NR3C2: variants seen among roughly 807,000 people sequenced by gnomAD.
NR3C2 encodes the protein mineralocorticoid receptor.
NR3C2 carries 15 observed loss-of-function variants against 86.4 expected under a neutral mutation model. The ratio of observed to expected loss-of-function variants is 0.17; its 90% CI spans 0.12 to 0.27. The LOEUF is 0.27. Among genes scored for constraint, NR3C2 ranks in the 10% least tolerant of loss-of-function variants. The pLI, the probability that NR3C2 is intolerant of heterozygous loss-of-function variation, is 1.00. For missense variants in NR3C2, 960 were observed against 1,195.6 expected (o/e 0.80, Z 2.91); for synonymous variants, 458 against 450.5 (o/e 1.02, Z -0.21).
At chr4:148,098,601 T>C (rs887187828) in intron 8 of NR3C2, among the ~76,000 whole-genome samples, 11 of 152,256 alleles carry the variant, frequency 7.2e-5, no homozygotes, top group African/African-American at 2.7e-4. Context: ...ACAGGCATTT[T>C]TCACTGCTCT....
In NR3C2 at chr4:148,378,247, T is replaced by C. The variant is rs1313673497; in HGVS notation, c.1757+56857A>G. Among the ~76,000 whole-genome samples, 3 of 151,960 alleles carry C rather than the reference T, an allele frequency of 2.0e-5. No individual in the cohort carries two copies. In the East Asian group the frequency reaches 5.8e-4, roughly 29 times the overall value. ...CATCCCCTTCAGACTAGCAAAAAATTAAATTAATAACAGTGTTAGCAAGAA... is the reference window on the plus strand; with the variant it reads ...CATCCCCTTCAGACTAGCAAAAAATCAAATTAATAACAGTGTTAGCAAGAA... On this transcript the variant is annotated intron_variant, in intron 2 of 8. Coordinates refer to ENST00000358102, the MANE Select transcript of NR3C2 (RefSeq NM_000901.5).
At chr4:148,204,262 A>G (rs917773781) in intron 3 of NR3C2, among the ~76,000 whole-genome samples, 2 of 152,254 alleles carry the variant, frequency 1.3e-5, no homozygotes, top group African/African-American at 4.8e-5. Context: ...CTAACAAGGA[A>G]CAAGGAACTT....
intron 2 of NR3C2, among the ~76,000 whole-genome samples, chr4:148,354,917 A>G (rs1745478693): frequency 6.6e-6 from 1 of 152,222 alleles, no homozygotes; most frequent in African/African-American, 2.4e-5. Flanking sequence ...TATACTCCAA[A>G]TTAGCAATGG....
At chr4:148,419,744 A>G (rs1254130104) in intron 2 of NR3C2, among the ~76,000 whole-genome samples, 1 of 152,234 alleles carries the variant, frequency 6.6e-6, no homozygotes, top group Non-Finnish European at 1.5e-5. Context: ...TTGTAAAAGA[A>G]ACTATCAGAT....
chr4:148,161,419 G>A (rs1303030435), intron 4 of NR3C2, among the ~76,000 whole-genome samples: 3 of 151,396 alleles, frequency 2.0e-5, no homozygotes, highest in Admixed American at 6.6e-5. Context: ...TCACCGTATC[G>A]GCTCACTGCA....
rs1040524716 is a variant in NR3C2 at position 148,194,675 on chromosome 4, G to A, written c.2014+71C>T. On this transcript the variant is annotated intron_variant, in intron 4 of 8. Transcript: ENST00000358102. Reference sequence around the variant, plus strand: ...CTGTTGGCTTCGTTTTCAATTTTGAGAGTACACAGATCTTAGTGCTGTTGC... The same window carrying A: ...CTGTTGGCTTCGTTTTCAATTTTGAAAGTACACAGATCTTAGTGCTGTTGC... 4.0e-6 allele frequency: 4 copies of A among 1,004,558 alleles called. No individual in the cohort carries two copies. The African/African-American group carries it at 6.3e-5, about 16-fold the overall frequency. 62.2% of individuals were successfully genotyped at this position (1,004,558 alleles called of 1,614,324 possible).
At chr4:148,221,137 A>G (rs1038616954) in intron 3 of NR3C2, among the ~76,000 whole-genome samples, 1 of 152,256 alleles carries the variant, frequency 6.6e-6, no homozygotes, top group Admixed American at 6.5e-5. Context: ...ATGTTTCCTT[A>G]TATCTCCCTC....
intron 6 of NR3C2, among the ~76,000 whole-genome samples, chr4:148,146,219 T>A (rs1477857347): frequency 6.6e-6 from 1 of 152,144 alleles, no homozygotes; most frequent in Non-Finnish European, 1.5e-5. Flanking sequence ...CTAACCCTGA[T>A]GGGGTGAGGA....
At chr4:148,090,953 C>A (rs1386168228) in intron 8 of NR3C2, among the ~76,000 whole-genome samples, 1 of 152,206 alleles carries the variant, frequency 6.6e-6, no homozygotes, top group Non-Finnish European at 1.5e-5. Flanking sequence ...GGGGGCTGGG[C>A]ATTTGACTCT....
chr4:148,091,749 A>G (rs1018452585), intron 8 of NR3C2, among the ~76,000 whole-genome samples: 6 of 152,340 alleles, frequency 3.9e-5, no homozygotes, highest in Middle Eastern at 3.4e-3. Context: ...AAATGAGGAT[A>G]CAAATGCATA....
intron 3 of NR3C2, among the ~76,000 whole-genome samples, chr4:148,226,700 A>G (rs1738186085): frequency 6.6e-6 from 1 of 152,162 alleles, no homozygotes; most frequent in Non-Finnish European, 1.5e-5. Flanking sequence ...GCTTCCCACC[A>G]GTGAAGCATG....
chr4:148,165,691 A>G lies in NR3C2; in HGVS notation c.2015-10790T>C, dbSNP rs61757921. Among the ~76,000 whole-genome samples, 671 of 152,312 alleles carry G rather than the reference A, an allele frequency of 4.4e-3. 4 individuals carry two copies. Among genetic ancestry groups the G allele is most frequent in the Middle Eastern group, 0.01 (3 of 294 alleles). ...AACTGAACCATTAAAAACTATTAAA[A>G]TTGCTTAGTAAGAAAAAGAAATGAT... On this transcript the variant is annotated intron_variant, in intron 4 of 8. Coordinates refer to ENST00000358102, the MANE Select transcript of NR3C2 (RefSeq NM_000901.5).
intron 3 of NR3C2, among the ~76,000 whole-genome samples, chr4:148,242,890 G>C (rs1739129853): frequency 6.6e-6 from 1 of 152,096 alleles, no homozygotes; most frequent in African/African-American, 2.4e-5. Context: ...CAAATCAAAA[G>C]TTTTATGTGT....
chr4:148,330,922 C>G (rs111751541), intron 2 of NR3C2, among the ~76,000 whole-genome samples: 10,695 of 152,220 alleles, frequency 0.07, 581 homozygotes, highest in African/African-American at 0.15. Flanking sequence ...GACTCACCTA[C>G]TCCACCTTCA....
chr4:148,199,193 G>C (rs1373384585), intron 3 of NR3C2, among the ~76,000 whole-genome samples: 1 of 151,898 alleles, frequency 6.6e-6, no homozygotes, highest in East Asian at 1.9e-4. Flanking sequence ...TGTCGCCTTT[G>C]AGTAGGAAGG....
At chr4:148,366,476 G>GTA (rs1746141647) in intron 2 of NR3C2, among the ~76,000 whole-genome samples, 4 of 151,334 alleles carry the variant, frequency 2.6e-5, no homozygotes, top group Admixed American at 2.0e-4. Flanking sequence ...TTTTTAAAAA[G>GTA]TACTCAGCAC....
chr4:148,090,822 G>A (rs563925648), intron 8 of NR3C2, among the ~76,000 whole-genome samples: 1 of 152,326 alleles, frequency 6.6e-6, no homozygotes, highest in South Asian at 2.1e-4. Context: ...GACAGAGAAA[G>A]CAGCTCATCC....
chr4:148,413,628 C>G (rs1748834683), intron 2 of NR3C2, among the ~76,000 whole-genome samples: 1 of 151,948 alleles, frequency 6.6e-6, no homozygotes, highest in Non-Finnish European at 1.5e-5. Context: ...TTTGACAAAT[C>G]AATAAACAGA....
In NR3C2 at chr4:148,359,465, C is replaced by T. The variant is rs571364804; in HGVS notation, c.1757+75639G>A. 4.6e-5 allele frequency among the ~76,000 whole-genome samples: 7 copies of T among 152,218 alleles called. No individual in the cohort carries two copies. The South Asian group carries it at 1.2e-3, about 27-fold the overall frequency. ...TCCCCACAACAAAGGATTCTAGTGA[C>T]CTTTGGTTTTACCATTCACAAATGG... On this transcript the variant is annotated intron_variant, in intron 2 of 8. Coordinates refer to ENST00000358102, the MANE Select transcript of NR3C2 (RefSeq NM_000901.5).
Sources: gnomAD v4.1 joint callset for allele counts (sites outside exome capture counted in the v4.1 genomes callset) on GRCh38, gnomAD v4.1.1 for gene constraint, MANE v1.5 for transcripts, NCBI Gene and HGNC (gene_info 2026-07-23, HGNC 2026-07-21) for gene names.